ESRP1: variants seen among roughly 807,000 people sequenced by gnomAD.
The protein encoded by ESRP1 is RNA-binding motif protein 35A.
In ESRP1, 33 loss-of-function variants were observed where a neutral mutation model predicts 81.7. The ratio of observed to expected loss-of-function variants is 0.40; its 90% CI spans 0.31 to 0.54. The LOEUF (loss-of-function observed/expected upper bound fraction) is 0.54. Ranked by LOEUF, ESRP1 falls within the 20% of genes least tolerant of loss-of-function variation. The probability of loss-of-function intolerance (pLI) is 0.41; values close to 1 mark genes in which losing one functional copy is unlikely to be tolerated. For missense variants in ESRP1, 672 were observed against 833.1 expected, an observed-to-expected ratio of 0.81 and a Z score of 2.38; for synonymous variants, 320 against 303.3, an observed-to-expected ratio of 1.06 and a Z score of -0.57.
rs1194431887 is a variant in ESRP1, at chr8:94,706,109, C to A, written c.*220C>A. ...GCTAGTGAAGCCAAATCGTAACTTA[C>A]AGCAAGCAGCATGCAGCATACCTGG... On this transcript the variant is annotated 3_prime_UTR_variant, in exon 16 of 16. Transcript: ENST00000433389. The A allele has an allele frequency of 1.6e-6, 1 of 621,286 alleles. No homozygotes were observed. The highest frequency in any genetic ancestry group is 2.2e-5 in the South Asian group (1 of 45,556). The allele number at this position is 621,286 out of a possible 1,614,324, so 38.5% of individuals were successfully genotyped here. A position where few individuals can be genotyped will look rare whatever the true frequency, so the allele number is the denominator to read the frequency against.
At chr8:94,688,524 A>T (rs74909405) in intron 13 of ESRP1, 3,646 of 215,914 alleles carry the variant, frequency 0.017, 138 homozygotes, top group African/African-American at 0.08. Flanking sequence ...GTTTGGTTTC[A>T]TTATACTGAC....
intron 4 of ESRP1, among the ~76,000 whole-genome samples, chr8:94,652,892 C>T (rs1374361068): frequency 1.3e-5 from 2 of 152,152 alleles, no homozygotes; most frequent in African/African-American, 2.4e-5. Flanking sequence ...AAGTTATATG[C>T]TCTAGCATCC....
intron 13 of ESRP1, among the ~76,000 whole-genome samples, chr8:94,684,230 GATTT>G (rs1468788627): frequency 1.3e-5 from 2 of 152,172 alleles, no homozygotes; most frequent in African/African-American, 2.4e-5. Flanking sequence ...ATTGTTGGGA[GATTT>G]ATTTATTTGT....
At chr8:94,672,143 A>G (rs56284494) in intron 11 of ESRP1, among the ~76,000 whole-genome samples, 17,233 of 152,202 alleles carry the variant, frequency 0.11, 1,220 homozygotes, top group Admixed American at 0.17. Flanking sequence ...TATTTTAACA[A>G]ATAATCATAT....
chr8:94,665,217 G>A (rs1818959728), intron 9 of ESRP1, 21 bp downstream of exon 9: 4 of 1,608,064 alleles, frequency 2.5e-6, no homozygotes, highest in African/African-American at 2.7e-5. Context: ...TTTACATAAT[G>A]TGGCTTTAGT....
At chr8:94,656,464 G>T (rs765099385) in intron 4 of ESRP1, among the ~76,000 whole-genome samples, 9 of 151,518 alleles carry the variant, frequency 5.9e-5, no homozygotes, top group Non-Finnish European at 1.0e-4. Flanking sequence ...CTTGTGATCC[G>T]CCCACCTTGG....
rs1481443082 is a variant in ESRP1, at chr8:94,678,255, A to G, written c.1704A>G (p.Thr568=). The G allele has an allele frequency of 6.2e-7, 1 of 1,614,006 alleles. No individual in the cohort carries two copies. The highest frequency in any genetic ancestry group is 2.2e-5 in the East Asian group (1 of 44,886). The change falls in exon 13 of 16, where the codon ACA becomes ACG. Residue 568 remains threonine, a synonymous_variant. Transcript: ENST00000433389. The stretch of plus-strand genomic sequence containing the variant: ...CAGCTCCTGCTGCAGTTATTCCTAC[A>G]GAAGCTGCCATTTACCAGCCCTCTG... ...TFPAPAAVIP[T]EAAIYQPSVI... is the part of the protein sequence containing the mutation.
intron 4 of ESRP1, among the ~76,000 whole-genome samples, chr8:94,655,063 TTTTGTGTGTG>T (rs749420831): frequency 1.5e-4 from 19 of 127,574 alleles, no homozygotes; most frequent in Admixed American, 6.8e-4. Context: ...TTTTTGGGTT[TTTTGTGTGTG>T]TGTGTGTGTG....
chr8:94,651,120 A>AG (rs1818102924), intron 4 of ESRP1, among the ~76,000 whole-genome samples: 1 of 151,890 alleles, frequency 6.6e-6, no homozygotes, highest in African/African-American at 2.4e-5. Flanking sequence ...ACTTTTTTCC[A>AG]GGGGGAATGG....
chr8:94,689,600 T>C (rs1346874900), intron 13 of ESRP1, among the ~76,000 whole-genome samples: 1 of 152,014 alleles, frequency 6.6e-6, no homozygotes, highest in African/African-American at 2.4e-5. Flanking sequence ...ATGTAAATTA[T>C]TTTTGCTGAT....
chr8:94,667,447 AGGT>A (rs1819088542), intron 9 of ESRP1, among the ~76,000 whole-genome samples: 1 of 151,146 alleles, frequency 6.6e-6, no homozygotes, highest in Non-Finnish European at 1.5e-5. Context: ...AAAAAAAAAA[AGGT>A]AATTGAGTTA....
intron 15 of ESRP1, 93 bp downstream of exon 15, chr8:94,697,054 T>C (rs971440098): frequency 1.2e-6 from 1 of 813,464 alleles, no homozygotes. Context: ...AGAATCCTTC[T>C]TTTCTTTAGT....
chr8:94,668,009 G>A lies in ESRP1; in HGVS notation c.992G>A (p.Arg331Gln). The change falls in exon 10 of 16, where the codon CGG (arginine) becomes CAG (glutamine). Residue 331 changes from arginine (R) to glutamine (Q), a missense_variant. By Grantham distance (43) the Arg-to-Gln change is conservative (BLOSUM62 1). Transcript: ENST00000433389. ...SKENQVIVRM[R>Q]GLPFTATAEE... Reference sequence around the variant, plus strand: ...GAAAATCAAGTCATTGTCCGCATGCGGGGGCTCCCTTTCACGGCCACAGCT... The same window carrying A: ...GAAAATCAAGTCATTGTCCGCATGCAGGGGCTCCCTTTCACGGCCACAGCT... 2 of 1,612,686 alleles carry A rather than the reference G, an allele frequency of 1.2e-6. No individual in the cohort carries two copies. Among genetic ancestry groups the A allele is most frequent in the Non-Finnish European group, 1.7e-6 (2 of 1,179,044 alleles).
chr8:94,656,513 G>T (rs947448744), intron 4 of ESRP1, among the ~76,000 whole-genome samples: 1 of 152,196 alleles, frequency 6.6e-6, no homozygotes, highest in East Asian at 1.9e-4. Flanking sequence ...GAGCCACCAC[G>T]CCCGGCCCAT....
intron 13 of ESRP1, among the ~76,000 whole-genome samples, chr8:94,684,010 G>A (rs567584019): frequency 6.6e-6 from 1 of 152,146 alleles, no homozygotes; most frequent in African/African-American, 2.4e-5. Flanking sequence ...ACCATGCCCA[G>A]CTAATTTTGT....
At chr8:94,658,827 G>A (rs1048997577) in intron 4 of ESRP1, among the ~76,000 whole-genome samples, 8 of 152,108 alleles carry the variant, frequency 5.3e-5, no homozygotes, top group Non-Finnish European at 1.2e-4. Context: ...TAGGTTTTGC[G>A]GAGCACATTA....
chr8:94,650,776 G>A (rs1256089008), intron 4 of ESRP1, among the ~76,000 whole-genome samples: 2 of 148,074 alleles, frequency 1.4e-5, no homozygotes, highest in Non-Finnish European at 3.0e-5. Context: ...GCAGGGGCGC[G>A]ATCTTGGCTA....
At chr8:94,661,465 G>C (rs778870814) in intron 4 of ESRP1, among the ~76,000 whole-genome samples, 39 of 152,150 alleles carry the variant, frequency 2.6e-4, no homozygotes, top group Non-Finnish European at 4.1e-4. Context: ...TGTGTGACTT[G>C]CTTTATTGTG....
chr8:94,695,424 G>A (rs192746695), intron 14 of ESRP1, among the ~76,000 whole-genome samples: 1,393 of 119,580 alleles, frequency 0.012, 26 homozygotes, highest in African/African-American at 0.04. Context: ...GCGCAATCTC[G>A]GCTCACTGCA....
Sources: allele counts gnomAD v4.1 joint callset (sites outside exome capture counted in the v4.1 genomes callset), GRCh38; gene constraint gnomAD v4.1.1; transcripts MANE v1.5; gene names NCBI Gene and HGNC (gene_info 2026-07-23, HGNC 2026-07-21).